DNAH9: variants seen among roughly 807,000 people sequenced by gnomAD.
DNAH9 encodes the protein DNAH9 variant protein.
DNAH9 carries 345 observed loss-of-function variants against 471.6 expected under a neutral mutation model. The observed-to-expected ratio is 0.73, with a 90% confidence interval of 0.67 to 0.80. The LOEUF (loss-of-function observed/expected upper bound fraction) is 0.80. Among genes scored for constraint, DNAH9 ranks in the 30% least tolerant of loss-of-function variants. The pLI is 0.00. For missense variants in DNAH9, 5,407 were observed against 5,609.2 expected (o/e 0.96, Z 1.15); for synonymous variants, 2,093 against 2,123.6 (o/e 0.99, Z 0.40).
At chr17:11,942,731 C>T (rs769526655) in intron 67 of DNAH9, among the ~76,000 whole-genome samples, 1 of 152,108 alleles carries the variant, frequency 6.6e-6, no homozygotes, top group Non-Finnish European at 1.5e-5. Flanking sequence ...ATTTCTACTA[C>T]CAGTTACTTA....
intron 49 of DNAH9, among the ~76,000 whole-genome samples, chr17:11,839,914 T>C (rs1019628678): frequency 1.3e-5 from 2 of 152,182 alleles, no homozygotes; most frequent in Non-Finnish European, 2.9e-5. Flanking sequence ...CGCAATAATA[T>C]GTGTTGGTCA....
At chr17:11,754,900 C>T (rs915311751) in intron 33 of DNAH9, among the ~76,000 whole-genome samples, 5 of 152,056 alleles carry the variant, frequency 3.3e-5, no homozygotes, top group Non-Finnish European at 5.9e-5. Context: ...TAAATCTTTG[C>T]GCATTCTTAT....
intron 17 of DNAH9, among the ~76,000 whole-genome samples, chr17:11,670,536 T>G (rs2073956816): frequency 6.6e-6 from 1 of 152,082 alleles, no homozygotes; most frequent in Non-Finnish European, 1.5e-5. Flanking sequence ...CCTCCTCAGT[T>G]TAGTGCTGGT....
rs144343428 is a variant in DNAH9, at chr17:11,639,129, C to T, written c.1787-1141C>T. ...ATGACATATCATGACCACAGGAGTACGCTGTCATCATAGCCACAGTTTTGA... is the reference window on the plus strand; with the variant it reads ...ATGACATATCATGACCACAGGAGTATGCTGTCATCATAGCCACAGTTTTGA... On this transcript the variant is annotated intron_variant, in intron 9 of 68. Transcript: ENST00000262442. Among the ~76,000 whole-genome samples the T allele has an allele frequency of 4.5e-3, 687 of 152,242 alleles. 5 individuals carry two copies. Among genetic ancestry groups the T allele is most frequent in the African/African-American group, 0.016 (660 of 41,520 alleles).
chr17:11,651,474 G>C, intron 13 of DNAH9, 150 bp downstream of exon 13: 1 of 794,512 alleles, frequency 1.3e-6, no homozygotes, highest in Non-Finnish European at 1.9e-6. Context: ...AGCAGAGAAG[G>C]CAAGAAGGGT....
At chr17:11,906,647 G>C (rs201824554) in intron 61 of DNAH9, among the ~76,000 whole-genome samples, 4 of 136,752 alleles carry the variant, frequency 2.9e-5, no homozygotes, top group Non-Finnish European at 1.6e-5. Flanking sequence ...AAAAAAAAAA[G>C]AAAATGTGAT....
At chr17:11,846,161 TC>T (rs1462028480) in intron 49 of DNAH9, among the ~76,000 whole-genome samples, 29 of 143,218 alleles carry the variant, frequency 2.0e-4, no homozygotes, top group Admixed American at 1.8e-3. Context: ...CTTTAATCCA[TC>T]TTGAATTGAT....
At chr17:11,820,082 T>C (rs1970255866) in intron 45 of DNAH9, among the ~76,000 whole-genome samples, 1 of 152,150 alleles carries the variant, frequency 6.6e-6, no homozygotes, top group Admixed American at 6.5e-5. Flanking sequence ...GGTTTGGGGG[T>C]GATATCTATT....
intron 48 of DNAH9, among the ~76,000 whole-genome samples, chr17:11,828,029 A>C (rs1476281248): frequency 6.6e-6 from 1 of 152,164 alleles, no homozygotes; most frequent in Non-Finnish European, 1.5e-5. Flanking sequence ...CCAGAATCCC[A>C]CCACATCTCA....
At chr17:11,640,890 CCTG>C (rs2073258737) in intron 10 of DNAH9, among the ~76,000 whole-genome samples, 1 of 152,090 alleles carries the variant, frequency 6.6e-6, no homozygotes, top group Admixed American at 6.5e-5. Flanking sequence ...GCAAGCTCCT[CCTG>C]TGATTCTGAC....
At position 11,875,146 on chromosome 17, in the gene DNAH9, T is replaced by A. The variant is rs748678337; in HGVS notation, c.10440T>A (p.Tyr3480Ter). 1.1e-5 allele frequency: 18 copies of A among 1,614,096 alleles called. No individual in the cohort carries two copies. Among genetic ancestry groups the A allele is most frequent in the Non-Finnish European group, 1.5e-5 (18 of 1,180,010 alleles). The change falls in exon 53 of 69, where the codon TAT (tyrosine) becomes TAA (stop). Residue 3480 changes from tyrosine (Y) to a stop codon, truncating the protein, a stop_gained. Transcript: ENST00000262442. LOFTEE classifies it high-confidence loss of function. Reference protein sequence around the residue: ...LQGIKWIKNKYGEDLRVTQIG... With the variant: ...LQGIKWIKNK Reference sequence around the variant, plus strand: ...GCATCAAATGGATCAAGAATAAATATGGTGAAGATCTCCGGGTCACGCAGA... The same window carrying A: ...GCATCAAATGGATCAAGAATAAATAAGGTGAAGATCTCCGGGTCACGCAGA...
intron 15 of DNAH9, among the ~76,000 whole-genome samples, chr17:11,668,686 ACAAT>A (rs967759024): frequency 6.9e-6 from 1 of 144,106 alleles, no homozygotes; most frequent in African/African-American, 2.6e-5. Flanking sequence ...AAAAAAAAAA[ACAAT>A]CAATCTCTTC....
intron 28 of DNAH9, among the ~76,000 whole-genome samples, chr17:11,730,626 T>A (rs1463414422): frequency 6.6e-6 from 1 of 152,200 alleles, no homozygotes; most frequent in East Asian, 1.9e-4. Flanking sequence ...GAGTTAATAA[T>A]AGCACCTCCT....
chr17:11,605,582 T>C (rs2072486200), intron 1 of DNAH9, among the ~76,000 whole-genome samples: 1 of 151,990 alleles, frequency 6.6e-6, no homozygotes, highest in Non-Finnish European at 1.5e-5. Flanking sequence ...CACTGCAGAC[T>C]CGACCTCCCT....
intron 49 of DNAH9, among the ~76,000 whole-genome samples, chr17:11,846,795 GCTCT>G (rs1365568974): frequency 3.6e-5 from 5 of 137,532 alleles, no homozygotes; most frequent in Admixed American, 7.6e-5. Context: ...TCATGATTTG[GCTCT>G]CTGTTTGTCT....
intron 14 of DNAH9, among the ~76,000 whole-genome samples, chr17:11,657,929 A>G (rs573767439): frequency 6.6e-6 from 1 of 152,186 alleles, no homozygotes; most frequent in East Asian, 1.9e-4. Flanking sequence ...ATTATCAGTA[A>G]GTCTGAAAAT....
chr17:11,930,055 C>T lies in DNAH9; in HGVS notation c.12067C>T (p.His4023Tyr). The change falls in exon 63 of 69, where the codon CAT (histidine) becomes TAT (tyrosine). Residue 4023 changes from histidine (H) to tyrosine (Y), a missense_variant. This residue lies in a region of DNAH9 where 4,636 missense variants were observed against 4,900.3 expected (regional missense o/e 0.95). Transcript: ENST00000262442. The stretch of plus-strand genomic sequence containing the variant: ...CACCAATGAGCCCCCCACGGGCATG[C>T]ATGCCAACCTGCACAAGGCCCTGGA... ...KITNEPPTGM[H>Y]ANLHKALDNF... 1.9e-6 allele frequency: 3 copies of T among 1,614,138 alleles called. No individual in the cohort carries two copies. Among genetic ancestry groups the T allele is most frequent in the Non-Finnish European group, 1.7e-6 (2 of 1,180,014 alleles).
intron 67 of DNAH9, among the ~76,000 whole-genome samples, chr17:11,949,729 C>A (rs902307276): frequency 1.3e-5 from 2 of 152,126 alleles, no homozygotes; most frequent in Non-Finnish European, 2.9e-5. Flanking sequence ...GAATCACCTA[C>A]CTCCACCACA....
intron 45 of DNAH9, among the ~76,000 whole-genome samples, chr17:11,820,182 TAATC>T (rs1488507833): frequency 6.6e-6 from 1 of 152,220 alleles, no homozygotes; most frequent in East Asian, 1.9e-4. Context: ...TTTACTTCGT[TAATC>T]AATTAATGTA....
Sources: gnomAD v4.1 joint callset for allele counts (sites outside exome capture counted in the v4.1 genomes callset) on GRCh38, gnomAD v4.1.1 for gene constraint, gnomAD v4.1.1 regional missense constraint, MANE v1.5 for transcripts, NCBI Gene and HGNC (gene_info 2026-07-23, HGNC 2026-07-21) for gene names.